CNTNAP2: variants seen among roughly 807,000 people sequenced by gnomAD.
CNTNAP2 encodes contactin associated protein 2, also known as contactin-associated protein-like 2.
In CNTNAP2, 98 loss-of-function variants were observed where a neutral mutation model predicts 155.2. The ratio of observed to expected loss-of-function variants is 0.63; its 90% CI spans 0.54 to 0.75. The LOEUF (loss-of-function observed/expected upper bound fraction) is 0.75, where lower values mean the gene tolerates loss of function less well. Ranked by LOEUF, CNTNAP2 falls within the 30% of genes least tolerant of loss-of-function variation. CNTNAP2 has a pLI of 0.00. For missense variants in CNTNAP2, 1,727 were observed against 1,688.1 expected, an observed-to-expected ratio of 1.02 and a Z score of -0.40; for synonymous variants, 651 against 631.2, an observed-to-expected ratio of 1.03 and a Z score of -0.47.
At chr7:147,907,061 A>AT (rs968424415) in intron 14 of CNTNAP2, among the ~76,000 whole-genome samples, 90 of 147,470 alleles carry the variant, frequency 6.1e-4, no homozygotes, top group East Asian at 3.0e-3. Flanking sequence ...TATAATGAAT[A>AT]TTTTTTTTTT....
intron 21 of CNTNAP2, among the ~76,000 whole-genome samples, chr7:148,330,405 G>C (rs982280633): frequency 1.3e-5 from 2 of 151,624 alleles, no homozygotes. Context: ...TGGAGGGATG[G>C]AGTGGACAGA....
chr7:146,366,488 C>CA (rs1160468461), intron 1 of CNTNAP2, among the ~76,000 whole-genome samples: 1 of 151,904 alleles, frequency 6.6e-6, no homozygotes, highest in Non-Finnish European at 1.5e-5. Context: ...CTTCAGACAA[C>CA]AATCATAAGA....
At chr7:148,028,150 G>A (rs949292677) in intron 15 of CNTNAP2, among the ~76,000 whole-genome samples, 4 of 152,246 alleles carry the variant, frequency 2.6e-5, no homozygotes, top group Middle Eastern at 3.4e-3. Flanking sequence ...TTGTACAGAC[G>A]AAATCGGTGT....
intron 1 of CNTNAP2, among the ~76,000 whole-genome samples, chr7:146,687,878 G>A (rs1439675559): frequency 6.6e-6 from 1 of 152,116 alleles, no homozygotes. Flanking sequence ...GCTTTCCATG[G>A]GAAGAGCACA....
At chr7:147,291,982 A>G (rs1805323724) in intron 8 of CNTNAP2, among the ~76,000 whole-genome samples, 1 of 152,164 alleles carries the variant, frequency 6.6e-6, no homozygotes, top group South Asian at 2.1e-4. Context: ...AGTATATTTT[A>G]GTATATTCTG....
At chr7:147,015,755 C>A (rs1034998576) in intron 3 of CNTNAP2, among the ~76,000 whole-genome samples, 2 of 151,990 alleles carry the variant, frequency 1.3e-5, no homozygotes, top group South Asian at 2.1e-4. Flanking sequence ...AAAAGAGAGG[C>A]CTCAGATATC....
chr7:147,415,570 T>A lies in CNTNAP2; in HGVS notation c.1670+19790T>A, dbSNP rs116490036. Among the ~76,000 whole-genome samples, 1,314 of 152,330 alleles carry A rather than the reference T, an allele frequency of 8.6e-3. 22 individuals are homozygous for A. The highest frequency in any genetic ancestry group is 0.03 in the African/African-American group (1,256 of 41,576). ...CTTCCCCTTCACCTTCGGCCATGAT[T>A]GTGTTTCCTGAGGTCTCCCTAGCCA... On this transcript the variant is annotated intron_variant, in intron 10 of 23. Transcript: ENST00000361727.
chr7:147,760,406 A>G (rs1320678031), intron 13 of CNTNAP2, among the ~76,000 whole-genome samples: 1 of 152,234 alleles, frequency 6.6e-6, no homozygotes, highest in African/African-American at 2.4e-5. Flanking sequence ...CTCAATGATT[A>G]GTCTTCAACA....
chr7:146,295,816 G>T (rs185928588), intron 1 of CNTNAP2, among the ~76,000 whole-genome samples: 10 of 149,250 alleles, frequency 6.7e-5, no homozygotes, highest in Non-Finnish European at 1.2e-4. Flanking sequence ...TTTTCACCTC[G>T]TAAACTTTAT....
chr7:146,721,875 G>GTGTATATATATATA (rs1332551916), intron 1 of CNTNAP2, among the ~76,000 whole-genome samples: 1 of 76,656 alleles, frequency 1.3e-5, no homozygotes, highest in Non-Finnish European at 2.1e-5. Flanking sequence ...GTGTGTGTGT[G>GTGTATATATATATA]TATATATATA....
chr7:146,961,544 G>A (rs780587842), intron 3 of CNTNAP2, among the ~76,000 whole-genome samples: 1 of 152,062 alleles, frequency 6.6e-6, no homozygotes, highest in Non-Finnish European at 1.5e-5. Context: ...TACCCTGAAA[G>A]TTGTCTTCAG....
chr7:146,747,744 A>G (rs954352281), intron 1 of CNTNAP2, among the ~76,000 whole-genome samples: 9 of 152,180 alleles, frequency 5.9e-5, no homozygotes, highest in Non-Finnish European at 8.8e-5. Context: ...TAATTTAAAC[A>G]AATACGGATT....
chr7:148,064,269 A>G (rs182384200), intron 15 of CNTNAP2, among the ~76,000 whole-genome samples: 2 of 152,090 alleles, frequency 1.3e-5, no homozygotes, highest in East Asian at 1.9e-4. Flanking sequence ...GTGAATAATG[A>G]TGGTGGTATT....
chr7:146,614,264 A>C (rs939541694), intron 1 of CNTNAP2, among the ~76,000 whole-genome samples: 1 of 152,172 alleles, frequency 6.6e-6, no homozygotes, highest in African/African-American at 2.4e-5. Flanking sequence ...AGTTATGCAC[A>C]ATATTTTATG....
intron 1 of CNTNAP2, among the ~76,000 whole-genome samples, chr7:146,490,724 G>A (rs1797125961): frequency 6.6e-6 from 1 of 152,136 alleles, no homozygotes; most frequent in Non-Finnish European, 1.5e-5. Flanking sequence ...TATTTTTAGA[G>A]TTCTCTTTAA....
At chr7:146,602,878 G>T (rs1798972879) in intron 1 of CNTNAP2, among the ~76,000 whole-genome samples, 1 of 143,724 alleles carries the variant, frequency 7.0e-6, no homozygotes, top group African/African-American at 2.5e-5. Flanking sequence ...ATTCACCAGG[G>T]TCATTCTATC....
At chr7:147,135,859 C>A (rs555860522) in intron 8 of CNTNAP2, among the ~76,000 whole-genome samples, 1 of 150,758 alleles carries the variant, frequency 6.6e-6, no homozygotes, top group African/African-American at 2.4e-5. Context: ...ACCTGACCTG[C>A]ATTCTTTTTC....
chr7:146,821,230 T>C (rs562486625), intron 2 of CNTNAP2, among the ~76,000 whole-genome samples: 6,898 of 152,154 alleles, frequency 0.045, 499 homozygotes, highest in African/African-American at 0.16. Flanking sequence ...GTTATTTTGC[T>C]CGTTAGTTGA....
At chr7:147,994,891 C>T (rs993322406) in intron 15 of CNTNAP2, among the ~76,000 whole-genome samples, 3 of 152,178 alleles carry the variant, frequency 2.0e-5, no homozygotes, top group Non-Finnish European at 4.4e-5. Context: ...CCTTGGAACT[C>T]GTTCCTCTCA....
Sources: gnomAD v4.1 joint callset for allele counts (sites outside exome capture counted in the v4.1 genomes callset) on GRCh38, gnomAD v4.1.1 for gene constraint, MANE v1.5 for transcripts, NCBI Gene and HGNC (gene_info 2026-07-23, HGNC 2026-07-21) for gene names.